DNAJB6: variants seen among roughly 807,000 people sequenced by gnomAD.
The protein encoded by DNAJB6 is DnaJ heat shock protein family (Hsp40) member B6.
Under a neutral mutation model 42.7 loss-of-function variants are expected in DNAJB6, and 16 were observed. That is an observed-to-expected ratio of 0.37 (90% CI 0.25 to 0.57). DNAJB6 has a LOEUF of 0.57. DNAJB6 is among the 20% of genes least tolerant of loss of function. The pLI is 0.74. For synonymous variants in DNAJB6, 170 were observed against 163.5 expected (o/e 1.04, Z -0.30); for missense variants, 347 against 416.8 (o/e 0.83, Z 1.46).
intron 3 of DNAJB6, among the ~76,000 whole-genome samples, chr7:157,365,001 G>T (rs766409657): frequency 2.0e-5 from 3 of 152,234 alleles, no homozygotes; most frequent in Non-Finnish European, 2.9e-5. Context: ...GCCCAGGCTG[G>T]AATGTAGTGG....
At chr7:157,386,389 C>A in intron 8 of DNAJB6, 1 of 878,318 alleles carries the variant, frequency 1.1e-6, no homozygotes, top group Non-Finnish European at 1.4e-6. Context: ...GCGTTTCGTG[C>A]TGTTCATTCA....
intron 8 of DNAJB6, among the ~76,000 whole-genome samples, chr7:157,389,459 T>C (rs1474372140): frequency 6.6e-6 from 1 of 152,226 alleles, no homozygotes; most frequent in African/African-American, 2.4e-5. Context: ...TTGATTTGAA[T>C]ACTTGGTTTC....
At chr7:157,354,296 C>G (rs1008400515) in intron 1 of DNAJB6, among the ~76,000 whole-genome samples, 1 of 151,892 alleles carries the variant, frequency 6.6e-6, no homozygotes, top group African/African-American at 2.4e-5. Flanking sequence ...TACAGGCATG[C>G]GCTACCACGC....
rs191222405 is a variant in DNAJB6 at position 157,391,036 on chromosome 7, G to A, written c.691+5425G>A. Among the ~76,000 whole-genome samples, 125 of 152,172 alleles carry A rather than the reference G, an allele frequency of 8.2e-4. 1 individual carries two copies. Among genetic ancestry groups the A allele is most frequent in the African/African-American group, 1.7e-3 (70 of 41,500 alleles). ...TTTTTAGTGGAGACAGGGTTTTGCC[G>A]TGTTGCCCAGGCTGGTCTTGAACTC... On this transcript the variant is annotated intron_variant, in intron 8 of 9. Transcript: ENST00000262177.
At chr7:157,392,706 T>C (rs1108021) in intron 8 of DNAJB6, among the ~76,000 whole-genome samples, 74,807 of 152,004 alleles carry the variant, frequency 0.49, 19,098 homozygotes, top group African/African-American at 0.64. Flanking sequence ...GTGCAGTCAG[T>C]GCGAGGAACA....
intron 8 of DNAJB6, among the ~76,000 whole-genome samples, chr7:157,399,712 A>G (rs117402159): frequency 0.022 from 3,420 of 152,052 alleles, 51 homozygotes; most frequent in Non-Finnish European, 0.036. Flanking sequence ...CCTGTCGCCC[A>G]AGCTGGAGAG....
intron 1 of DNAJB6, among the ~76,000 whole-genome samples, chr7:157,341,877 CTTTG>C (rs778865921): frequency 4.6e-5 from 7 of 152,112 alleles, no homozygotes; most frequent in South Asian, 2.1e-4. Flanking sequence ...CCGAGTGTTG[CTTTG>C]TTTATTTTAG....
At chr7:157,409,225 G>A (rs975550601) in intron 8 of DNAJB6, among the ~76,000 whole-genome samples, 3 of 152,152 alleles carry the variant, frequency 2.0e-5, no homozygotes, top group South Asian at 2.1e-4. Context: ...TTGAGAAGCC[G>A]GCCCGTCTTG....
At chr7:157,383,352 G>T (rs1481408477) in intron 6 of DNAJB6, among the ~76,000 whole-genome samples, 1 of 152,124 alleles carries the variant, frequency 6.6e-6, no homozygotes, top group Non-Finnish European at 1.5e-5. Flanking sequence ...AAGCCTCCAC[G>T]ATAAGAATTG....
intron 1 of DNAJB6, among the ~76,000 whole-genome samples, chr7:157,339,661 C>G (rs760358348): frequency 5.5e-5 from 8 of 146,406 alleles, no homozygotes; most frequent in Middle Eastern, 3.8e-3. Flanking sequence ...TGGAGTTTAG[C>G]TCTTGCCCCT....
chr7:157,403,184 C>G (rs1795603165), intron 8 of DNAJB6, among the ~76,000 whole-genome samples: 1 of 151,966 alleles, frequency 6.6e-6, no homozygotes, highest in South Asian at 2.1e-4. Context: ...TCTGATCAGC[C>G]TTTCACTGAA....
chr7:157,371,763 T>C (rs1800222381), intron 5 of DNAJB6, among the ~76,000 whole-genome samples: 1 of 152,234 alleles, frequency 6.6e-6, no homozygotes, highest in Non-Finnish European at 1.5e-5. Flanking sequence ...GAGGACCCTA[T>C]TGCTCAGTGA....
intron 5 of DNAJB6, 59 bp from the exon 6 acceptor site, chr7:157,382,187 A>C (rs1468006098): frequency 6.6e-7 from 1 of 1,516,984 alleles, no homozygotes; most frequent in African/African-American, 1.4e-5. Flanking sequence ...TGTAGCTATC[A>C]CATGAGGAAA....
At chr7:157,352,286 GCTACT>G (rs1238418125) in intron 1 of DNAJB6, among the ~76,000 whole-genome samples, 4 of 151,786 alleles carry the variant, frequency 2.6e-5, no homozygotes, top group African/African-American at 4.8e-5. Context: ...CCAAAATTGT[GCTACT>G]CTACTCTGGC....
At chr7:157,378,791 C>G (rs1295062041) in intron 5 of DNAJB6, 5 of 152,140 alleles carry the variant, frequency 3.3e-5, no homozygotes, top group Admixed American at 1.3e-4. Context: ...TTCTAGATTG[C>G]TTTTCAAAAC....
intron 6 of DNAJB6, 60 bp from the exon 7 acceptor site, chr7:157,384,807 G>A: frequency 6.5e-7 from 1 of 1,531,412 alleles, no homozygotes; most frequent in Non-Finnish European, 9.0e-7. Flanking sequence ...TCAAACTCTT[G>A]TCTTTGCATT....
chr7:157,367,759 T>C (rs1799915074), intron 5 of DNAJB6, among the ~76,000 whole-genome samples: 1 of 152,092 alleles, frequency 6.6e-6, no homozygotes, highest in African/African-American at 2.4e-5. Flanking sequence ...CTTGGGAGGC[T>C]GAGGCAGGAG....
At chr7:157,353,224 G>A (rs557371505) in intron 1 of DNAJB6, among the ~76,000 whole-genome samples, 61 of 150,530 alleles carry the variant, frequency 4.1e-4, no homozygotes, top group African/African-American at 1.1e-3. Context: ...TGCCGCACCC[G>A]GTCCAGTTTG....
chr7:157,409,626 T>C (rs1241341430), intron 8 of DNAJB6, among the ~76,000 whole-genome samples, 169 bp from the exon 9 acceptor site: 1 of 152,220 alleles, frequency 6.6e-6, no homozygotes, highest in Non-Finnish European at 1.5e-5. Context: ...AGGATTAAGT[T>C]CTGGCCCCAG....
Sources: gnomAD v4.1 joint callset for allele counts (sites outside exome capture counted in the v4.1 genomes callset) on GRCh38, gnomAD v4.1.1 for gene constraint, MANE v1.5 for transcripts, NCBI Gene and HGNC (gene_info 2026-07-23, HGNC 2026-07-21) for gene names.